The following ZBTB44 variants were observed in gnomAD, a reference collection of about 807,000 sequenced individuals.
The protein encoded by ZBTB44 is zinc finger and BTB domain-containing protein 44.
ZBTB44 carries 15 observed loss-of-function variants against 54.0 expected under a neutral mutation model. The observed-to-expected ratio is 0.28, with a 90% CI of 0.19 to 0.43. The LOEUF (loss-of-function observed/expected upper bound fraction) is 0.43, where lower values mean the gene tolerates loss of function less well. Among genes scored for constraint, ZBTB44 ranks in the 20% least tolerant of loss-of-function variants. The probability of loss-of-function intolerance (pLI) is 1.00; values close to 1 mark genes in which losing one functional copy is unlikely to be tolerated. For synonymous variants in ZBTB44, 230 were observed against 250.1 expected (o/e 0.92, Z 0.76); for missense variants, 487 against 707.1 (o/e 0.69, Z 3.53).
chr11:130,253,864 A>G (rs1022709646), intron 2 of ZBTB44, among the ~76,000 whole-genome samples: 9 of 152,224 alleles, frequency 5.9e-5, no homozygotes, highest in Non-Finnish European at 1.0e-4. Context: ...ACTGGTACCA[A>G]AACAGATATA....
At chr11:130,270,416 T>C (rs576207906) in intron 1 of ZBTB44, among the ~76,000 whole-genome samples, 3 of 152,342 alleles carry the variant, frequency 2.0e-5, no homozygotes, top group East Asian at 3.9e-4. Context: ...ATGCTCCAGA[T>C]AGAACACTAG....
In ZBTB44 at chr11:130,275,455, AG is replaced by A. The variant is rs544046425; in HGVS notation, c.-56-13527del. ...TGGCCTCCCAAAGTGCTGAGATTAA[AG>A]GAGTGGGCTACCATGCCTAACCCAC... On this transcript the variant is annotated intron_variant, in intron 1 of 7. Transcript: ENST00000357899. 2.8e-3 allele frequency among the ~76,000 whole-genome samples: 432 copies of A among 152,318 alleles called. 1 individual carries two copies. Among genetic ancestry groups the A allele is most frequent in the Non-Finnish European group, 4.4e-3 (298 of 68,032 alleles).
rs768860461 is a variant in ZBTB44, at chr11:130,239,901, G to A, written c.1019-5C>T. ...AAACGCCTTCATCTACTGAGCCTGT[G>A]AATAAGAGAAAGAGGACCACTGTAA... is the stretch of plus-strand genomic sequence containing the variant. On this transcript the variant is annotated splice_region_variant and splice_polypyrimidine_tract_variant and intron_variant, in intron 2 of 7. Transcript: ENST00000357899. 2.2e-5 allele frequency: 35 copies of A among 1,606,226 alleles called. No individual in the cohort carries two copies. The South Asian group carries it at 3.5e-4, about 16-fold the overall frequency.
intron 2 of ZBTB44, among the ~76,000 whole-genome samples, chr11:130,257,545 A>G (rs888074909): frequency 6.6e-6 from 1 of 152,248 alleles, no homozygotes; most frequent in Non-Finnish European, 1.5e-5. Flanking sequence ...AGGCTGGAAG[A>G]GACAAGGAAG....
intron 1 of ZBTB44, among the ~76,000 whole-genome samples, chr11:130,273,165 C>A (rs531931318): frequency 1.4e-3 from 216 of 152,240 alleles, no homozygotes; most frequent in Non-Finnish European, 2.5e-3. Flanking sequence ...GTTGAATCTT[C>A]TGATCCATGA....
At chr11:130,237,176 C>T (rs576431832) in intron 4 of ZBTB44, 83 bp from the exon 5 acceptor site, 2 of 1,297,924 alleles carry the variant, frequency 1.5e-6, no homozygotes. Context: ...AACTATATTT[C>T]TGTAGCAACA....
chr11:130,244,065 G>A (rs546086698), intron 2 of ZBTB44, among the ~76,000 whole-genome samples: 6 of 152,258 alleles, frequency 3.9e-5, no homozygotes, highest in Middle Eastern at 3.4e-3. Flanking sequence ...TGTCTTAAAG[G>A]CAAAACTGAT....
rs1555158777 is a variant in ZBTB44, at chr11:130,227,326, CGACTG to C, written c.*4433_*4437del. On this transcript the variant is annotated 3_prime_UTR_variant, in exon 8 of 8. Transcript: ENST00000357899. Reference sequence around the variant, plus strand: ...GTAAAGCCATACTTGAATGAGATGACGACTGGATACAAAGCTGGTGAACTGGGGAC... The same window carrying C: ...GTAAAGCCATACTTGAATGAGATGACGATACAAAGCTGGTGAACTGGGGAC... The C allele has an allele frequency of 6.6e-6, 1 of 152,106 alleles. No individual in the cohort carries two copies. The highest frequency in any genetic ancestry group is 1.5e-5 in the Non-Finnish European group (1 of 68,028). 9.4% of individuals were successfully genotyped at this position (152,106 alleles called of 1,614,324 possible). A position where few individuals can be genotyped will look rare whatever the true frequency, so the allele number is the denominator to read the frequency against.
intron 1 of ZBTB44, among the ~76,000 whole-genome samples, chr11:130,298,351 C>G (rs1741565215): frequency 6.6e-6 from 1 of 151,876 alleles, no homozygotes; most frequent in Non-Finnish European, 1.5e-5. Context: ...ATTATGTTGC[C>G]CAGGCTGGTC....
intron 2 of ZBTB44, among the ~76,000 whole-genome samples, chr11:130,251,895 G>A (rs1200031113): frequency 1.3e-5 from 2 of 152,144 alleles, no homozygotes; most frequent in Non-Finnish European, 2.9e-5. Context: ...GCATCATGAC[G>A]ACAGGATCAA....
chr11:130,285,663 T>C, intron 1 of ZBTB44: 1 of 268,680 alleles, frequency 3.7e-6, no homozygotes. Context: ...TAATTTTTTA[T>C]TTGCTGCTTC....
At chr11:130,243,381 A>G (rs1954473257) in intron 2 of ZBTB44, among the ~76,000 whole-genome samples, 2 of 152,144 alleles carry the variant, frequency 1.3e-5, no homozygotes, top group South Asian at 2.1e-4. Flanking sequence ...GAGAAGTTTT[A>G]TGTTTGCTTC....
In ZBTB44 at chr11:130,286,374, T is replaced by TA. The variant is rs546413620; in HGVS notation, c.-56-24446dup. ...TGTATTTTTAAAATTACAATAAACT[T>TA]AAAAAAAATCTATTAATTTGAATAG... On this transcript the variant is annotated intron_variant, in intron 1 of 7. Coordinates refer to ENST00000357899, the MANE Select transcript of ZBTB44 (RefSeq NM_001301098.2). 3.9e-4 allele frequency among the ~76,000 whole-genome samples: 60 copies of TA among 152,078 alleles called. 1 individual carries two copies. In the South Asian group the frequency reaches 8.7e-3, roughly 22 times the overall value.
chr11:130,279,494 A>G (rs1287515884), intron 1 of ZBTB44, among the ~76,000 whole-genome samples: 3 of 152,124 alleles, frequency 2.0e-5, no homozygotes, highest in African/African-American at 7.2e-5. Flanking sequence ...CCCTGTCTCC[A>G]TTAAAAATAC....
chr11:130,279,262 T>C (rs1003677230), intron 1 of ZBTB44, among the ~76,000 whole-genome samples: 4 of 151,156 alleles, frequency 2.6e-5, no homozygotes, highest in Admixed American at 2.0e-4. Flanking sequence ...ATTCTAGCTC[T>C]TATCACACCA....
intron 1 of ZBTB44, chr11:130,285,513 A>C (rs2134312243): frequency 5.1e-6 from 1 of 196,980 alleles, no homozygotes; most frequent in Middle Eastern, 3.0e-3. Context: ...GCTGGTCTCG[A>C]ACTCCTGACC....
chr11:130,309,322 G>C (rs769910231), intron 1 of ZBTB44, among the ~76,000 whole-genome samples: 7 of 152,214 alleles, frequency 4.6e-5, no homozygotes, highest in Admixed American at 4.6e-4. Flanking sequence ...ACCTATGACA[G>C]TGAGGATGAA....
chr11:130,282,262 T>A (rs1281338059), intron 1 of ZBTB44, among the ~76,000 whole-genome samples: 1 of 152,204 alleles, frequency 6.6e-6, no homozygotes, highest in Non-Finnish European at 1.5e-5. Context: ...TTTGTCATCA[T>A]CCCACAGTGA....
intron 1 of ZBTB44, among the ~76,000 whole-genome samples, chr11:130,274,571 G>A (rs1450556983): frequency 6.6e-6 from 1 of 152,048 alleles, no homozygotes; most frequent in African/African-American, 2.4e-5. Flanking sequence ...ATCACTAAAG[G>A]GAATTCAATG....
Sources: allele counts gnomAD v4.1 joint callset (sites outside exome capture counted in the v4.1 genomes callset), GRCh38; gene constraint gnomAD v4.1.1; transcripts MANE v1.5; gene names NCBI Gene and HGNC (gene_info 2026-07-23, HGNC 2026-07-21).